The following NCKAP5 variants were observed in gnomAD, a reference collection of about 807,000 sequenced individuals.
NCKAP5 encodes NCK associated protein 5.
NCKAP5 carries 92 observed loss-of-function variants against 167.0 expected under a neutral mutation model. The ratio of observed to expected loss-of-function variants is 0.55; its 90% CI spans 0.47 to 0.66. The LOEUF (loss-of-function observed/expected upper bound fraction) is 0.66. NCKAP5 is among the 30% of genes least tolerant of loss of function. The pLI is 0.00. For missense variants in NCKAP5, 2,378 were observed against 2,315.0 expected, an observed-to-expected ratio of 1.03 and a Z score of -0.56; for synonymous variants, 891 against 877.4, an observed-to-expected ratio of 1.02 and a Z score of -0.27.
chr2:133,361,452 C>T (rs1427155093), intron 3 of NCKAP5, among the ~76,000 whole-genome samples: 2 of 152,216 alleles, frequency 1.3e-5, no homozygotes, highest in African/African-American at 4.8e-5. Context: ...TCTTTAAACT[C>T]TTAATCTCAT....
chr2:133,234,883 A>T (rs781659307), intron 4 of NCKAP5, among the ~76,000 whole-genome samples: 5 of 149,586 alleles, frequency 3.3e-5, no homozygotes, highest in Non-Finnish European at 5.9e-5. Context: ...TTAAGTAAAT[A>T]TTTATATAAA....
intron 5 of NCKAP5, among the ~76,000 whole-genome samples, chr2:133,209,896 G>A (rs908115034): frequency 2.6e-5 from 4 of 151,984 alleles, no homozygotes; most frequent in Admixed American, 2.6e-4. Context: ...AGCCAGGTGT[G>A]GTGGCTTATG....
intron 9 of NCKAP5, among the ~76,000 whole-genome samples, chr2:132,870,611 C>T (rs925171384): frequency 3.3e-5 from 5 of 151,838 alleles, no homozygotes; most frequent in Non-Finnish European, 7.4e-5. Flanking sequence ...ATCTAATCAT[C>T]ATGGTAATTC....
At chr2:133,465,152 TC>T (rs1559503434) in intron 3 of NCKAP5, among the ~76,000 whole-genome samples, 1 of 74,716 alleles carries the variant, frequency 1.3e-5, no homozygotes, top group African/African-American at 5.4e-5. Flanking sequence ...GTGCTATCCC[TC>T]CCCCCTCCCC....
In NCKAP5 at chr2:133,359,402, T is replaced by C. The variant is rs1190582705; in HGVS notation, c.70-56292A>G. On this transcript the variant is annotated intron_variant, in intron 3 of 19. Transcript: ENST00000409261. ...GTTTTGTTACTACACTGAAATCTTA[T>C]GCATAATTATGTGAGGTTGCTATGG... Among the ~76,000 whole-genome samples, 4 of 152,230 alleles carry C rather than the reference T, an allele frequency of 2.6e-5. No homozygotes were observed. In the South Asian group the frequency reaches 6.2e-4, roughly 24 times the overall value.
chr2:133,456,556 C>T (rs1691874818), intron 3 of NCKAP5, among the ~76,000 whole-genome samples: 1 of 152,108 alleles, frequency 6.6e-6, no homozygotes, highest in African/African-American at 2.4e-5. Context: ...GTTCATGTTC[C>T]ATGGGAGAAA....
At chr2:133,387,414 A>C (rs1047811495) in intron 3 of NCKAP5, among the ~76,000 whole-genome samples, 3 of 152,168 alleles carry the variant, frequency 2.0e-5, no homozygotes, top group East Asian at 1.9e-4. Context: ...CCGAGAGATC[A>C]GCTGTTAGTC....
At chr2:133,219,518 G>C (rs2086569261) in intron 4 of NCKAP5, among the ~76,000 whole-genome samples, 1 of 152,168 alleles carries the variant, frequency 6.6e-6, no homozygotes, top group Non-Finnish European at 1.5e-5. Context: ...GCCAGTGGCA[G>C]CTAAGTCCCA....
At chr2:132,962,578 C>T (rs1433663074) in intron 8 of NCKAP5, among the ~76,000 whole-genome samples, 3 of 151,922 alleles carry the variant, frequency 2.0e-5, no homozygotes, top group East Asian at 3.9e-4. Flanking sequence ...AAGGCCCCTC[C>T]AGGTCTTTTT....
chr2:133,517,123 G>C (rs754800173), intron 3 of NCKAP5, among the ~76,000 whole-genome samples: 14 of 152,166 alleles, frequency 9.2e-5, no homozygotes, highest in Non-Finnish European at 1.9e-4. Flanking sequence ...AAGATAAATG[G>C]GGGATGGAAC....
At chr2:132,846,855 AAC>A (rs1286424282) in intron 11 of NCKAP5, among the ~76,000 whole-genome samples, 2 of 152,244 alleles carry the variant, frequency 1.3e-5, no homozygotes, top group Non-Finnish European at 2.9e-5. Flanking sequence ...AAGCAGAAAT[AAC>A]AGTGGCTTAA....
At chr2:132,699,446 A>G (rs1310004805) in intron 19 of NCKAP5, among the ~76,000 whole-genome samples, 1 of 152,042 alleles carries the variant, frequency 6.6e-6, no homozygotes, top group African/African-American at 2.4e-5. Flanking sequence ...CGTCCTTTAC[A>G]TTAGGTATAT....
intron 3 of NCKAP5, among the ~76,000 whole-genome samples, chr2:133,369,462 G>A (rs1282957693): frequency 2.0e-5 from 3 of 152,204 alleles, no homozygotes; most frequent in Non-Finnish European, 4.4e-5. Flanking sequence ...AAAGAGTAAA[G>A]AAAACATGAA....
chr2:132,791,473 C>A (rs1331049610), intron 12 of NCKAP5, among the ~76,000 whole-genome samples: 1 of 152,110 alleles, frequency 6.6e-6, no homozygotes, highest in Non-Finnish European at 1.5e-5. Flanking sequence ...CATTATAGGC[C>A]CCTCGTGTAA....
intron 4 of NCKAP5, among the ~76,000 whole-genome samples, chr2:133,298,601 T>C (rs551220853): frequency 6.6e-6 from 1 of 152,156 alleles, no homozygotes; most frequent in Non-Finnish European, 1.5e-5. Context: ...CATGAAACCA[T>C]TATTCATCTA....
intron 3 of NCKAP5, among the ~76,000 whole-genome samples, chr2:133,326,822 A>G (rs1019863571): frequency 6.6e-6 from 1 of 152,154 alleles, no homozygotes; most frequent in African/African-American, 2.4e-5. Context: ...AGTAGAGTGC[A>G]TTTACCAGAA....
chr2:132,888,387 ATTTT>A (rs1199398784), intron 8 of NCKAP5, among the ~76,000 whole-genome samples: 2 of 151,976 alleles, frequency 1.3e-5, no homozygotes, highest in Non-Finnish European at 2.9e-5. Context: ...GGATGTCTAT[ATTTT>A]TTCTTCTTTC....
intron 7 of NCKAP5, among the ~76,000 whole-genome samples, chr2:132,985,545 A>G (rs771788236): frequency 6.6e-6 from 1 of 152,216 alleles, no homozygotes; most frequent in Non-Finnish European, 1.5e-5. Flanking sequence ...AGAGAAAAGG[A>G]AGATTCATCT....
chr2:132,816,520 C>T (rs1686286668), intron 11 of NCKAP5, among the ~76,000 whole-genome samples: 1 of 152,138 alleles, frequency 6.6e-6, no homozygotes, highest in African/African-American at 2.4e-5. Context: ...CCTCCCTTGA[C>T]AGGAAGTACG....
Sources: allele counts gnomAD v4.1 joint callset (sites outside exome capture counted in the v4.1 genomes callset), GRCh38; gene constraint gnomAD v4.1.1; transcripts MANE v1.5; gene names NCBI Gene and HGNC (gene_info 2026-07-23, HGNC 2026-07-21).